Variants in TP53INP2 observed in about 807,000 individuals in gnomAD.
TP53INP2 encodes the protein tumor protein p53 inducible nuclear protein 2, also known as tumor protein p53-inducible nuclear protein 2.
TP53INP2 carries 12 observed loss-of-function variants against 17.1 expected under a neutral mutation model. The observed-to-expected ratio is 0.70, with a 90% CI of 0.45 to 1.14. TP53INP2 has a LOEUF of 1.14. Among genes scored for constraint, TP53INP2 ranks in the 50% most tolerant of loss-of-function variants. The pLI is 0.00. For missense variants in TP53INP2, 342 were observed against 330.9 expected, an observed-to-expected ratio of 1.03 and a Z score of -0.26; for synonymous variants, 145 against 147.3, an observed-to-expected ratio of 0.98 and a Z score of 0.12.
At position 34,709,213 on chromosome 20, in the gene TP53INP2, G is replaced by C. The variant is rs754415182; in HGVS notation, c.125-23G>C. 2.0e-6 allele frequency: 3 copies of C among 1,535,016 alleles called. No homozygotes were observed. The highest frequency in any genetic ancestry group is 1.8e-6 in the Non-Finnish European group (2 of 1,140,670). ...TCCTCGCTGCTCCCCTCCTCTGCAC[G>C]GCTCCCATCCCGCGCCCCGTAGACA... is the stretch of plus-strand genomic sequence containing the variant. On this transcript the variant is annotated intron_variant, in intron 3 of 4. Coordinates refer to ENST00000374810, the MANE Select transcript of TP53INP2 (RefSeq NM_021202.3). The surrounding 1 kb of genome is among the most constrained non-coding windows in gnomAD (Gnocchi z 5.4).
At chr20:34,708,317 C>T (rs1355420035) in intron 2 of TP53INP2, among the ~76,000 whole-genome samples, 1 of 152,166 alleles carries the variant, frequency 6.6e-6, no homozygotes, top group Non-Finnish European at 1.5e-5. Context: ...AATTCTTCCT[C>T]CTCCATCTTT....
At chr20:34,707,902 C>T (rs1434946018) in intron 2 of TP53INP2, among the ~76,000 whole-genome samples, 2 of 152,170 alleles carry the variant, frequency 1.3e-5, no homozygotes, top group African/African-American at 2.4e-5. Flanking sequence ...CCTGGGATTA[C>T]AGGCACCTGC....
At position 34,709,983 on chromosome 20, in the gene TP53INP2, G is replaced by T; in HGVS notation, c.414-75G>T. The T allele has an allele frequency of 8.2e-7, 1 of 1,226,748 alleles. No homozygotes were observed. The highest frequency in any genetic ancestry group is 1.0e-6 in the Non-Finnish European group (1 of 978,554). The allele number at this position is 1,226,748 out of a possible 1,614,324, so 76.0% of individuals were successfully genotyped here. Reference sequence around the variant, plus strand: ...GACACAGAACTGAGCCGAAGCAAGGGTGGGAGATGGCAGCGCCCTCTAGAC... The same window carrying T: ...GACACAGAACTGAGCCGAAGCAAGGTTGGGAGATGGCAGCGCCCTCTAGAC... On this transcript the variant is annotated intron_variant, in intron 4 of 4. Coordinates refer to ENST00000374810, the MANE Select transcript of TP53INP2 (RefSeq NM_021202.3). This position sits in a 1 kb window ranked among gnomAD's most constrained non-coding sequence, Gnocchi z 5.4.
chr20:34,709,524 G>T lies in TP53INP2; in HGVS notation c.413G>T (p.Gly138Val). The stretch of plus-strand genomic sequence containing the variant: ...CTGCCTGACGGCGACCTCAGCGAAG[G>T]GTGAGCGGGCCGGGGGCGGAGCCTG... The part of the protein sequence containing the change: ...AALPDGDLSE[G>V]ELTPARREPR... Residue 138 changes from glycine (G) to valine (V), a missense_variant and splice_region_variant, in exon 4 of 5, where the codon GGG becomes GTG. Gly to Val is a moderately radical substitution (Grantham distance 109). Transcript: ENST00000374810. The surrounding 1 kb of genome is among the most constrained non-coding windows in gnomAD (Gnocchi z 5.4). 1.2e-6 allele frequency: 2 copies of T among 1,605,198 alleles called. No individual in the cohort carries two copies. The highest frequency in any genetic ancestry group is 1.7e-6 in the Non-Finnish European group (2 of 1,179,072).
In TP53INP2 at chr20:34,711,040, G is replaced by C. The variant is rs541145029; in HGVS notation, c.*733G>C. 9 of 152,658 alleles carry C rather than the reference G, an allele frequency of 5.9e-5. No homozygotes were observed. The highest frequency in any genetic ancestry group is 1.9e-4 in the African/African-American group (8 of 41,576). 9.5% of individuals were successfully genotyped at this position (152,658 alleles called of 1,614,324 possible). On this transcript the variant is annotated 3_prime_UTR_variant, in exon 5 of 5. Transcript: ENST00000374810. This position sits in a 1 kb window ranked among gnomAD's most constrained non-coding sequence, Gnocchi z 4.1. ...TTGGAGATGCGGACAGGACAGACAC[G>C]TTGAGAAGCTGCAGGGAGCAGGGCA...
intron 2 of TP53INP2, among the ~76,000 whole-genome samples, chr20:34,707,442 G>T (rs1267732795): frequency 1.3e-5 from 2 of 152,184 alleles, no homozygotes; most frequent in East Asian, 1.9e-4. Context: ...TGGGGTCAAA[G>T]ATTGCTGTTT....
intron 2 of TP53INP2, 72 bp from the exon 3 acceptor site, chr20:34,708,619 T>A: frequency 1.2e-6 from 1 of 867,186 alleles, no homozygotes; most frequent in Non-Finnish European, 1.8e-6. Flanking sequence ...TGATATCTTC[T>A]GGCCTCTTCC....
chr20:34,710,016 C>A lies in TP53INP2; in HGVS notation c.414-42C>A. 2 of 1,270,302 alleles carry A rather than the reference C, an allele frequency of 1.6e-6. No individual in the cohort carries two copies. The highest frequency in any genetic ancestry group is 2.7e-5 in the South Asian group (1 of 37,692). 78.7% of individuals were successfully genotyped at this position (1,270,302 alleles called of 1,614,324 possible). Reference sequence around the variant, plus strand: ...TGGCAGCGCCCTCTAGACCCCCCGCCCAGCTTACCCGGCTTGACCGAGCCT... The same window carrying A: ...TGGCAGCGCCCTCTAGACCCCCCGCACAGCTTACCCGGCTTGACCGAGCCT... On this transcript the variant is annotated intron_variant, in intron 4 of 4. Transcript: ENST00000374810. The surrounding 1 kb of genome is among the most constrained non-coding windows in gnomAD (Gnocchi z 4.9).
In TP53INP2 at chr20:34,709,195, T is replaced by C. The variant is rs1309708182; in HGVS notation, c.125-41T>C. 10 of 1,509,686 alleles carry C rather than the reference T, an allele frequency of 6.6e-6. No individual in the cohort carries two copies. In the East Asian group the frequency reaches 1.5e-4, roughly 22 times the overall value. 93.5% of individuals were successfully genotyped at this position (1,509,686 alleles called of 1,614,324 possible). A position where few individuals can be genotyped will look rare whatever the true frequency, so the allele number is the denominator to read the frequency against. On this transcript the variant is annotated intron_variant, in intron 3 of 4. Coordinates refer to ENST00000374810, the MANE Select transcript of TP53INP2 (RefSeq NM_021202.3). The surrounding 1 kb of genome is among the most constrained non-coding windows in gnomAD (Gnocchi z 5.4). ...TGTGTGTGTGTGTGTGCCTCCTCGC[T>C]GCTCCCCTCCTCTGCACGGCTCCCA...
chr20:34,710,010 C>CG lies in TP53INP2; in HGVS notation c.414-48_414-47insG. 1 of 1,272,364 alleles carries CG rather than the reference C, an allele frequency of 7.9e-7. No individual in the cohort carries two copies. Among genetic ancestry groups the CG allele is most frequent in the Non-Finnish European group, 1.0e-6 (1 of 1,004,264 alleles). The allele number at this position is 1,272,364 out of a possible 1,614,324, so 78.8% of individuals were successfully genotyped here. A position where few individuals can be genotyped will look rare whatever the true frequency, so the allele number is the denominator to read the frequency against. ...GGGAGATGGCAGCGCCCTCTAGACC[C>CG]CCCGCCCAGCTTACCCGGCTTGACC... On this transcript the variant is annotated intron_variant, in intron 4 of 4. Coordinates refer to ENST00000374810, the MANE Select transcript of TP53INP2 (RefSeq NM_021202.3). This position sits in a 1 kb window ranked among gnomAD's most constrained non-coding sequence, Gnocchi z 4.9.
At position 34,712,647 on chromosome 20, in the gene TP53INP2, G is replaced by A. The variant is rs950392756; in HGVS notation, c.*2340G>A. 4 of 152,700 alleles carry A rather than the reference G, an allele frequency of 2.6e-5. No individual in the cohort carries two copies. Among genetic ancestry groups the A allele is most frequent in the East Asian group, 3.9e-4 (2 of 5,184 alleles). 9.5% of individuals were successfully genotyped at this position (152,700 alleles called of 1,614,324 possible). On this transcript the variant is annotated 3_prime_UTR_variant, in exon 5 of 5. Transcript: ENST00000374810. ...TGTACGTGCCTTTCACCTTGAGCAT[G>A]CTTCAGGATTTTTTTTTAAACCACA...
intron 1 of TP53INP2, 137 bp from the exon 2 acceptor site, chr20:34,705,220 CA>C (rs752153143): frequency 6.6e-6 from 1 of 152,148 alleles, no homozygotes; most frequent in Admixed American, 6.5e-5. Flanking sequence ...GATTATTAGC[CA>C]GGGGCAAAGA....
At chr20:34,704,759 G>C (rs1313675955) in intron 1 of TP53INP2, 1 of 152,346 alleles carries the variant, frequency 6.6e-6, no homozygotes, top group African/African-American at 2.4e-5. Context: ...GGTAGCCGCT[G>C]TGTCGGGGCT....
chr20:34,707,736 AT>A (rs1988033534), intron 2 of TP53INP2, among the ~76,000 whole-genome samples: 1 of 152,196 alleles, frequency 6.6e-6, no homozygotes, highest in Non-Finnish European at 1.5e-5. Context: ...TGTTGTGAGG[AT>A]TACATGAGGT....
intron 2 of TP53INP2, among the ~76,000 whole-genome samples, chr20:34,708,141 T>A (rs1388000927): frequency 1.3e-5 from 2 of 152,180 alleles, no homozygotes; most frequent in Non-Finnish European, 1.5e-5. Context: ...CTCCTCAGAG[T>A]GCAGCTTGGA....
rs1296892490 is a variant in TP53INP2 at position 34,712,736 on chromosome 20, A to C, written c.*2429A>C. The stretch of plus-strand genomic sequence containing the variant: ...ATGCAACCTTAGGAGGGGGTTAGAG[A>C]GTCTGTTTTGATTGATGTTTTCTGA... On this transcript the variant is annotated 3_prime_UTR_variant, in exon 5 of 5. Transcript: ENST00000374810. 1.3e-5 allele frequency: 2 copies of C among 152,528 alleles called. No homozygotes were observed. The highest frequency in any genetic ancestry group is 2.9e-5 in the Non-Finnish European group (2 of 68,032). The allele number at this position is 152,528 out of a possible 1,614,324, so 9.4% of individuals were successfully genotyped here. A position where few individuals can be genotyped will look rare whatever the true frequency, so the allele number is the denominator to read the frequency against.
chr20:34,706,150 G>T (rs1375955820), intron 2 of TP53INP2, among the ~76,000 whole-genome samples: 1 of 152,150 alleles, frequency 6.6e-6, no homozygotes, highest in East Asian at 1.9e-4. Flanking sequence ...GCTAGGCGAG[G>T]GGTGGTGTGG....
chr20:34,704,880 A>C (rs1374386727), intron 1 of TP53INP2: 4 of 152,386 alleles, frequency 2.6e-5, no homozygotes, highest in Non-Finnish European at 5.9e-5. Flanking sequence ...TTCTCTTTGC[A>C]ACCTGAGAAG....
chr20:34,709,505 G>A lies in TP53INP2; in HGVS notation c.394G>A (p.Asp132Asn), dbSNP rs541322324. The change falls in exon 4 of 5, where the codon GAC becomes AAC. Residue 132 changes from aspartate (D) to asparagine (N), a missense_variant. By Grantham distance (23) the Asp-to-Asn change is conservative. Transcript: ENST00000374810. The surrounding 1 kb of genome is among the most constrained non-coding windows in gnomAD (Gnocchi z 5.4). ...PSPLPDAALP[D>N]GDLSEGELTP... is the part of the protein sequence containing the mutation. ...CCCGCTCCCGGACGCGGCCCTGCCTGACGGCGACCTCAGCGAAGGGTGAGC... is the reference window on the plus strand; with the variant it reads ...CCCGCTCCCGGACGCGGCCCTGCCTAACGGCGACCTCAGCGAAGGGTGAGC... 2.2e-5 allele frequency: 35 copies of A among 1,609,010 alleles called. No individual in the cohort carries two copies. Among genetic ancestry groups the A allele is most frequent in the Admixed American group, 2.0e-4 (12 of 59,966 alleles).
Sources: gnomAD v4.1 joint callset for allele counts (sites outside exome capture counted in the v4.1 genomes callset) on GRCh38, gnomAD v4.1.1 for gene constraint, Gnocchi (gnomAD v3.1) non-coding constraint, MANE v1.5 for transcripts, NCBI Gene and HGNC (gene_info 2026-07-23, HGNC 2026-07-21) for gene names.